SLC30A8: variants seen among roughly 807,000 people sequenced by gnomAD.
SLC30A8 encodes proton-coupled zinc antiporter SLC30A8.
SLC30A8 carries 27 observed loss-of-function variants against 36.9 expected under a neutral mutation model. The observed-to-expected ratio is 0.73, with a 90% CI of 0.54 to 1.01. SLC30A8 has a LOEUF of 1.01. SLC30A8 is among the 50% of genes least tolerant of loss of function. SLC30A8 has a pLI of 0.00. For synonymous variants in SLC30A8, 164 were observed against 172.4 expected, an observed-to-expected ratio of 0.95 and a Z score of 0.38; for missense variants, 439 against 452.0, an observed-to-expected ratio of 0.97 and a Z score of 0.26.
chr8:117,044,932 C>A (rs914004257), intron 2 of SLC30A8, among the ~76,000 whole-genome samples: 1 of 152,272 alleles, frequency 6.6e-6, no homozygotes, highest in East Asian at 1.9e-4. Context: ...CTGCAAATTC[C>A]GAGCTGTTGT....
At chr8:117,118,881 T>C (rs16889419) in intron 2 of SLC30A8, among the ~76,000 whole-genome samples, 8,659 of 151,920 alleles carry the variant, frequency 0.057, 651 homozygotes, top group African/African-American at 0.17. Flanking sequence ...GGCAAATTTA[T>C]AGAAAGAAAA....
chr8:117,043,653 C>T (rs140235911), intron 2 of SLC30A8, among the ~76,000 whole-genome samples: 7 of 152,262 alleles, frequency 4.6e-5, no homozygotes, highest in African/African-American at 7.2e-5. Flanking sequence ...AAATATAATA[C>T]GGATAATATT....
chr8:117,032,480 T>C (rs1218038262), intron 1 of SLC30A8, among the ~76,000 whole-genome samples: 1 of 152,238 alleles, frequency 6.6e-6, no homozygotes, highest in East Asian at 1.9e-4. Flanking sequence ...CCAGTTGGCT[T>C]ATTTGACCTT....
intron 1 of SLC30A8, among the ~76,000 whole-genome samples, chr8:116,976,232 A>T (rs1363899488): frequency 6.7e-6 from 1 of 148,686 alleles, no homozygotes; most frequent in Admixed American, 6.7e-5. Context: ...GAAGCTGGTA[A>T]GTTCTCTCTC....
intron 2 of SLC30A8, among the ~76,000 whole-genome samples, chr8:117,127,644 C>A (rs1820962366): frequency 6.6e-6 from 1 of 151,990 alleles, no homozygotes; most frequent in African/African-American, 2.4e-5. Flanking sequence ...TCTGTAATTC[C>A]AGGCTCTGGA....
At chr8:117,114,939 C>G (rs1226144024) in intron 2 of SLC30A8, among the ~76,000 whole-genome samples, 1 of 151,894 alleles carries the variant, frequency 6.6e-6, no homozygotes, top group African/African-American at 2.4e-5. Flanking sequence ...GGGTCTTGCT[C>G]TGTCACCCAA....
intron 1 of SLC30A8, among the ~76,000 whole-genome samples, chr8:116,958,974 C>A (rs1313280497): frequency 6.6e-6 from 1 of 151,014 alleles, no homozygotes; most frequent in African/African-American, 2.4e-5. Context: ...CTCAGCCTCC[C>A]GAGTAGCTGG....
intron 2 of SLC30A8, among the ~76,000 whole-genome samples, chr8:117,093,619 A>C (rs2130835969): frequency 6.6e-6 from 1 of 152,278 alleles, no homozygotes; most frequent in African/African-American, 2.4e-5. Flanking sequence ...TTACAAATGA[A>C]TAAAACTAAC....
chr8:117,006,136 AT>A (rs1816164166), intron 1 of SLC30A8, among the ~76,000 whole-genome samples: 1 of 152,234 alleles, frequency 6.6e-6, no homozygotes, highest in South Asian at 2.1e-4. Flanking sequence ...GCTACCTTAT[AT>A]ATTCCTCTCA....
At chr8:117,006,884 G>A (rs900156269) in intron 1 of SLC30A8, 1 of 139,726 alleles carries the variant, frequency 7.2e-6, no homozygotes, top group Non-Finnish European at 1.5e-5. Context: ...CCAGGTTCAA[G>A]TGATTCTCCT....
At chr8:117,012,761 G>A (rs1170228307) in intron 1 of SLC30A8, among the ~76,000 whole-genome samples, 3 of 65,956 alleles carry the variant, frequency 4.5e-5, no homozygotes, top group Non-Finnish European at 6.9e-5. Flanking sequence ...ACACACACAC[G>A]GTGGATCCTC....
intron 1 of SLC30A8, among the ~76,000 whole-genome samples, chr8:116,985,451 T>C (rs1277351044): frequency 6.6e-6 from 1 of 152,130 alleles, no homozygotes; most frequent in African/African-American, 2.4e-5. Flanking sequence ...TATATAACCT[T>C]CCTGCTAATA....
chr8:117,155,898 A>C (rs762940998), intron 3 of SLC30A8, among the ~76,000 whole-genome samples: 2 of 152,108 alleles, frequency 1.3e-5, no homozygotes, highest in Non-Finnish European at 2.9e-5. Context: ...CCCAATTTGC[A>C]TGTCTATGTC....
chr8:116,980,662 A>AACTGGAAAGGGGAATAGAAAACTCTAT (rs1815219149), intron 1 of SLC30A8, among the ~76,000 whole-genome samples: 2 of 152,146 alleles, frequency 1.3e-5, no homozygotes, highest in African/African-American at 2.4e-5. Flanking sequence ...ATGAGTCTAC[A>AACTGGAAAGGGGAATAGAAAACTCTAT]ACTGGAAAGG....
chr8:117,121,723 G>A (rs1442828333), intron 2 of SLC30A8, among the ~76,000 whole-genome samples: 1 of 151,920 alleles, frequency 6.6e-6, no homozygotes, highest in Non-Finnish European at 1.5e-5. Context: ...GGCATTCTAA[G>A]TGAAATAAGC....
chr8:117,058,561 T>C (rs1460372103), intron 2 of SLC30A8, among the ~76,000 whole-genome samples: 1 of 152,186 alleles, frequency 6.6e-6, no homozygotes, highest in Non-Finnish European at 1.5e-5. Context: ...TGCTCACATT[T>C]CAGCATATTA....
chr8:116,953,585 C>A (rs1165001457), intron 1 of SLC30A8, among the ~76,000 whole-genome samples: 1 of 152,154 alleles, frequency 6.6e-6, no homozygotes, highest in Non-Finnish European at 1.5e-5. Context: ...ACTATCATCT[C>A]ATCTCTACTT....
intron 2 of SLC30A8, among the ~76,000 whole-genome samples, chr8:117,046,143 C>G (rs1040036808): frequency 6.6e-6 from 1 of 152,088 alleles, no homozygotes; most frequent in Non-Finnish European, 1.5e-5. Context: ...CTCCCCAAAT[C>G]CCGCTTGAGG....
In SLC30A8 at chr8:117,071,321, A is replaced by G. The variant is rs567938474; in HGVS notation, c.-226+32063A>G. Among the ~76,000 whole-genome samples, 6 of 151,992 alleles carry G rather than the reference A, an allele frequency of 3.9e-5. No homozygotes were observed. The South Asian group carries it at 1.0e-3, about 26-fold the overall frequency. On this transcript the variant is annotated intron_variant, in intron 2 of 10. Transcript: ENST00000427715. ...ATGAGTGATGCTGAGCTTTTTTTTCATGTGCCTATTGGCCATTTTTATATC... is the reference window on the plus strand; with the variant it reads ...ATGAGTGATGCTGAGCTTTTTTTTCGTGTGCCTATTGGCCATTTTTATATC...
Sources: gnomAD v4.1 joint callset for allele counts (sites outside exome capture counted in the v4.1 genomes callset) on GRCh38, gnomAD v4.1.1 for gene constraint, MANE v1.5 for transcripts, NCBI Gene and HGNC (gene_info 2026-07-23, HGNC 2026-07-21) for gene names.